SEH1L: variants seen among roughly 807,000 people sequenced by gnomAD.
The protein encoded by SEH1L is SEH1 like nucleoporin, also known as nucleoporin SEH1.
In SEH1L, 18 loss-of-function variants were observed where a neutral mutation model predicts 49.5. The observed-to-expected ratio is 0.36, with a 90% confidence interval of 0.25 to 0.54. SEH1L has a LOEUF of 0.54. SEH1L is among the 20% of genes least tolerant of loss of function. The probability of loss-of-function intolerance (pLI) is 0.87; values close to 1 mark genes in which losing one functional copy is unlikely to be tolerated. For missense variants in SEH1L, 404 were observed against 528.8 expected, an observed-to-expected ratio of 0.76 and a Z score of 2.31; for synonymous variants, 169 against 178.1, an observed-to-expected ratio of 0.95 and a Z score of 0.41.
chr18:12,955,664 A>G, intron 3 of SEH1L, 55 bp downstream of exon 3: 5 of 1,572,890 alleles, frequency 3.2e-6, no homozygotes, highest in Non-Finnish European at 4.4e-6. Flanking sequence ...GCCAAGGAGC[A>G]TTCATCCGAA....
At chr18:12,982,740 G>T in intron 7 of SEH1L, 65 bp downstream of exon 7, 1 of 1,244,528 alleles carries the variant, frequency 8.0e-7, no homozygotes, top group Non-Finnish European at 1.1e-6. Context: ...TACTTAAAAT[G>T]TAAACTCTGA....
At chr18:12,948,404 G>A in intron 1 of SEH1L, 172 bp downstream of exon 1, 1 of 507,862 alleles carries the variant, frequency 2.0e-6, no homozygotes, top group South Asian at 2.7e-5. Context: ...CGTATTGTGG[G>A]GTCACGGCGG....
At chr18:12,981,661 G>A (rs546848076) in intron 6 of SEH1L, among the ~76,000 whole-genome samples, 91 of 152,248 alleles carry the variant, frequency 6.0e-4, no homozygotes, top group African/African-American at 2.2e-3. Context: ...TATTTAGGCT[G>A]AAACTAACAA....
At chr18:12,982,157 CA>C (rs1326739394) in intron 6 of SEH1L, among the ~76,000 whole-genome samples, 1 of 152,202 alleles carries the variant, frequency 6.6e-6, no homozygotes, top group Non-Finnish European at 1.5e-5. Context: ...TGAGCAACTG[CA>C]CCTGGCCTTG....
intron 4 of SEH1L, among the ~76,000 whole-genome samples, chr18:12,969,883 C>G (rs1169790947): frequency 6.6e-6 from 1 of 150,940 alleles, no homozygotes; most frequent in African/African-American, 2.4e-5. Flanking sequence ...GAGCAAGGCT[C>G]TGTCTCAAAA....
intron 3 of SEH1L, among the ~76,000 whole-genome samples, chr18:12,959,167 C>T (rs1019908480): frequency 3.9e-5 from 6 of 152,116 alleles, no homozygotes; most frequent in Admixed American, 3.9e-4. Flanking sequence ...AAATACTATT[C>T]ATATCCTTTG....
chr18:12,958,447 AC>A (rs2031009754), intron 3 of SEH1L, among the ~76,000 whole-genome samples: 1 of 152,140 alleles, frequency 6.6e-6, no homozygotes. Flanking sequence ...AGTGCTGTGT[AC>A]CCATCACTGT....
At chr18:12,966,698 G>A (rs1024103308) in intron 4 of SEH1L, among the ~76,000 whole-genome samples, 4 of 152,156 alleles carry the variant, frequency 2.6e-5, no homozygotes, top group Admixed American at 6.6e-5. Flanking sequence ...CACTGCACTT[G>A]GCCAATCCTG....
chr18:12,949,018 CTT>C (rs1345283216), intron 1 of SEH1L, among the ~76,000 whole-genome samples: 2 of 142,992 alleles, frequency 1.4e-5, no homozygotes, highest in Non-Finnish European at 3.1e-5. Context: ...CCCGGCTAAT[CTT>C]TTTTTTTTTT....
intron 8 of SEH1L, chr18:12,986,437 A>G (rs1377518587): frequency 2.0e-6 from 2 of 986,128 alleles, no homozygotes; most frequent in African/African-American, 3.5e-5. Flanking sequence ...CGCACTAAAA[A>G]AAATGTGTGC....
intron 5 of SEH1L, chr18:12,975,627 C>G (rs2031887860): frequency 2.3e-6 from 2 of 864,614 alleles, no homozygotes; most frequent in South Asian, 1.1e-4. Context: ...GCCAACAGGC[C>G]AGGCAGATTT....
rs3070220 is a variant in SEH1L, at chr18:12,962,459, C to CTTTTTTT, written c.310-681_310-675dup. On this transcript the variant is annotated intron_variant, in intron 3 of 8. Transcript: ENST00000399892. Reference sequence around the variant, plus strand: ...TTGAGAGAAGAAATTGCATGCCTTTCTTTTTTTTTTTTTTTTTTTTTTTTT... The same window carrying CTTTTTTT: ...TTGAGAGAAGAAATTGCATGCCTTTCTTTTTTTTTTTTTTTTTTTTTTTTTTTTTTTT... 9.4e-3 allele frequency among the ~76,000 whole-genome samples: 599 copies of CTTTTTTT among 63,646 alleles called. 156 individuals are homozygous for CTTTTTTT. Among genetic ancestry groups the CTTTTTTT allele is most frequent in the African/African-American group, 0.037 (545 of 14,860 alleles). The allele number at this position is 63,646 out of a possible 152,430, so 41.8% of individuals were successfully genotyped here.
chr18:12,948,419 G>A (rs1272148693), intron 1 of SEH1L, 187 bp downstream of exon 1: 2 of 477,434 alleles, frequency 4.2e-6, no homozygotes, highest in Non-Finnish European at 7.4e-6. Context: ...CGGCGGCCTC[G>A]CGGGCCGCCC....
At chr18:12,985,542 T>A in intron 8 of SEH1L, 1 of 1,176,392 alleles carries the variant, frequency 8.5e-7, no homozygotes, top group Non-Finnish European at 1.0e-6. Flanking sequence ...GAAACTAATT[T>A]GGGTTTAAAG....
At chr18:12,971,065 G>A (rs2031678242) in intron 4 of SEH1L, 88 bp from the exon 5 acceptor site, 1 of 885,746 alleles carries the variant, frequency 1.1e-6, no homozygotes, top group Non-Finnish European at 1.9e-6. Context: ...CTGTAAGCTG[G>A]TTGTCTGCTT....
intron 5 of SEH1L, 85 bp from the exon 6 acceptor site, chr18:12,978,667 T>C: frequency 1.8e-6 from 2 of 1,100,906 alleles, no homozygotes; most frequent in Non-Finnish European, 2.7e-6. Context: ...TTGTGAGCAG[T>C]GTGAAAAAAA....
At chr18:12,973,211 T>C (rs1245179226) in intron 5 of SEH1L, 1 of 151,916 alleles carries the variant, frequency 6.6e-6, no homozygotes, top group Non-Finnish European at 1.5e-5. Context: ...TTCTAAAACA[T>C]AGGAAAAGAA....
At chr18:12,985,938 CT>C (rs200987658) in intron 8 of SEH1L, 2 of 917,816 alleles carry the variant, frequency 2.2e-6, no homozygotes, top group Non-Finnish European at 2.6e-6. Flanking sequence ...GATGGAAACA[CT>C]TTTTTTATAA....
intron 7 of SEH1L, among the ~76,000 whole-genome samples, 184 bp from the exon 8 acceptor site, chr18:12,983,856 A>C (rs2032365531): frequency 6.6e-6 from 1 of 152,216 alleles, no homozygotes; most frequent in African/African-American, 2.4e-5. Flanking sequence ...ACTTCTAAAA[A>C]GTTGTTAAAA....
Sources: allele counts gnomAD v4.1 joint callset (sites outside exome capture counted in the v4.1 genomes callset), GRCh38; gene constraint gnomAD v4.1.1; transcripts MANE v1.5; gene names NCBI Gene and HGNC (gene_info 2026-07-23, HGNC 2026-07-21).